Variants in ZNF227 observed in about 807,000 individuals in gnomAD.
ZNF227 encodes zinc finger protein 227.
A neutral mutation model predicts 13.2 loss-of-function variants in ZNF227; 12 were observed. The observed-to-expected ratio is 0.91, with a 90% CI of 0.58 to 1.47. ZNF227 has a LOEUF of 1.47. Among genes scored for constraint, ZNF227 ranks in the 40% most tolerant of loss-of-function variants. The probability of loss-of-function intolerance (pLI) is 0.00; values close to 1 mark genes in which losing one functional copy is unlikely to be tolerated. For missense variants in ZNF227, 885 were observed against 967.5 expected, an observed-to-expected ratio of 0.91 and a Z score of 1.13; for synonymous variants, 338 against 326.0, an observed-to-expected ratio of 1.04 and a Z score of -0.40.
chr19:44,234,991 G>C lies in ZNF227; in HGVS notation c.561G>C (p.Gln187His). The stretch of plus-strand genomic sequence containing the variant: ...GGAATACATATCTGAGTGAGTCACA[G>C]ATTCAGAGTAGAGGTAAGCAAATTG... ...SCGNTYLSESQIQSRGKQIDV... is the reference protein window; with the variant it reads ...SCGNTYLSESHIQSRGKQIDV... The change falls in exon 6 of 6, where the codon CAG (glutamine) becomes CAC (histidine). Residue 187 changes from glutamine (Q) to histidine (H), a missense_variant. Gln to His is a conservative substitution (Grantham distance 24). Transcript: ENST00000313040. 6.2e-7 allele frequency: 1 copy of C among 1,614,144 alleles called. No individual in the cohort carries two copies. Among genetic ancestry groups the C allele is most frequent in the Non-Finnish European group, 8.5e-7 (1 of 1,180,022 alleles).
chr19:44,233,661 C>T (rs1157763432), intron 5 of ZNF227, among the ~76,000 whole-genome samples: 2 of 151,986 alleles, frequency 1.3e-5, no homozygotes, highest in African/African-American at 4.8e-5. Flanking sequence ...TCTGGGAGGC[C>T]GAGGTGGGCA....
In ZNF227 at chr19:44,233,873, C is replaced by T. The variant is rs143380739; in HGVS notation, c.272-829C>T. On this transcript the variant is annotated intron_variant, in intron 5 of 5. Transcript: ENST00000313040. ...TCACACCACTGCACTCCAGCCTGGG[C>T]GACAGAGCGAGACGCTGTTTTTTAA... 2.4e-3 allele frequency among the ~76,000 whole-genome samples: 366 copies of T among 151,916 alleles called. 3 individuals are homozygous for T. Among genetic ancestry groups the T allele is most frequent in the Middle Eastern group, 0.01 (3 of 294 alleles).
chr19:44,226,962 GT>G (rs1973234096), intron 3 of ZNF227, among the ~76,000 whole-genome samples: 1 of 152,300 alleles, frequency 6.6e-6, no homozygotes, highest in South Asian at 2.1e-4. Context: ...TGACTTTGCA[GT>G]TGCTACTTCT....
intron 2 of ZNF227, 41 bp downstream of exon 2, chr19:44,213,285 C>T (rs1452233656): frequency 2.0e-5 from 3 of 152,136 alleles, no homozygotes; most frequent in African/African-American, 7.2e-5. Flanking sequence ...CATTTTCTGT[C>T]CTTTCAGTTA....
intron 3 of ZNF227, among the ~76,000 whole-genome samples, chr19:44,227,732 T>G (rs1197544965): frequency 6.6e-6 from 1 of 152,180 alleles, no homozygotes; most frequent in Non-Finnish European, 1.5e-5. Context: ...TAGTGAGAGA[T>G]TAAGGAATTT....
rs769068189 is a variant in ZNF227 at position 44,236,297 on chromosome 19, CAG to C, written c.1872_1873del (p.Arg624SerfsTer15). 8 of 1,613,780 alleles carry C rather than the reference CAG, an allele frequency of 5.0e-6. No individual in the cohort carries two copies. Among genetic ancestry groups the C allele is most frequent in the African/African-American group, 1.3e-5 (1 of 74,964 alleles). ...FSQAIDFRVHQRVHTGEKPYK... is the reference protein window; with the variant it reads ...FSQAIDFRVHXRVHTGEKPYK... Reference sequence around the variant, plus strand: ...TCAGGCCATAGATTTTCGGGTACATCAGAGAGTCCATACTGGAGAGAAGCCAT... The same window carrying C: ...TCAGGCCATAGATTTTCGGGTACATCAGAGTCCATACTGGAGAGAAGCCAT... On this transcript the variant is annotated frameshift_variant, in exon 6 of 6. Transcript: ENST00000313040. LOFTEE classifies it low-confidence loss of function (END_TRUNC).
chr19:44,211,790 AAACTT>A (rs1393768994), upstream of ZNF227, among the ~76,000 whole-genome samples: 1 of 148,252 alleles, frequency 6.7e-6, no homozygotes, highest in African/African-American at 2.5e-5. Flanking sequence ...TTAAATGTAA[AAACTT>A]AAAGGGTTTC....
rs773443429 is a variant in ZNF227, at chr19:44,236,555, G to T, written c.2125G>T (p.Val709Phe). The T allele has an allele frequency of 1.9e-6, 3 of 1,614,026 alleles. No homozygotes were observed. Among genetic ancestry groups the T allele is most frequent in the Non-Finnish European group, 2.5e-6 (3 of 1,180,004 alleles). ...RSLNLRHHQR[V>F]HTGEKPHICE... ...CTTGAATCTTCGCCATCATCAGAGG[G>T]TCCACACGGGAGAGAAACCCCATAT... Residue 709 changes from valine (V) to phenylalanine (F), a missense_variant, in exon 6 of 6, where the codon GTC becomes TTC. Val to Phe is a conservative substitution (Grantham distance 50). Transcript: ENST00000313040.
intron 3 of ZNF227, among the ~76,000 whole-genome samples, chr19:44,220,371 G>A (rs1174171252): frequency 5.3e-5 from 8 of 152,108 alleles, no homozygotes; most frequent in Admixed American, 3.3e-4. Context: ...TTCCACAATG[G>A]TTGAACTAGT....
At chr19:44,228,352 A>G in intron 3 of ZNF227, 94 bp from the exon 4 acceptor site, 1 of 1,455,748 alleles carries the variant, frequency 6.9e-7, no homozygotes, top group Non-Finnish European at 9.2e-7. Context: ...AATCTATAAC[A>G]ACTTTTTTGT....
intron 3 of ZNF227, among the ~76,000 whole-genome samples, chr19:44,224,153 T>G (rs1359766743): frequency 6.6e-6 from 1 of 152,220 alleles, no homozygotes; most frequent in African/African-American, 2.4e-5. Flanking sequence ...ATAATTTCTG[T>G]TCTTTTACAT....
chr19:44,224,642 A>AT (rs1164893968), intron 3 of ZNF227, among the ~76,000 whole-genome samples: 1 of 151,642 alleles, frequency 6.6e-6, no homozygotes, highest in East Asian at 1.9e-4. Context: ...CCATCCTTTT[A>AT]TTTTGAGCCT....
chr19:44,226,149 C>T (rs945693503), intron 3 of ZNF227, among the ~76,000 whole-genome samples: 1 of 152,194 alleles, frequency 6.6e-6, no homozygotes, highest in African/African-American at 2.4e-5. Context: ...GAAGTTTTGT[C>T]TCAGAGGAGT....
intron 5 of ZNF227, 37 bp downstream of exon 5, chr19:44,229,853 C>T (rs1417182080): frequency 1.4e-6 from 2 of 1,452,658 alleles, no homozygotes; most frequent in Non-Finnish European, 1.9e-6. Flanking sequence ...TCTGTTCTTT[C>T]AGGTACTGGT....
In ZNF227 at chr19:44,226,426, C is replaced by T. The variant is rs945001719; in HGVS notation, c.61-2020C>T. On this transcript the variant is annotated intron_variant, in intron 3 of 5. Coordinates refer to ENST00000313040, the MANE Select transcript of ZNF227 (RefSeq NM_182490.3). ...CCTCCTTGAGCTGTGGTGGGCTCCA[C>T]CCAGTTCGAGCTTCCAGGCTGCTTT... Among the ~76,000 whole-genome samples, 6 of 152,352 alleles carry T rather than the reference C, an allele frequency of 3.9e-5. No individual in the cohort carries two copies. In the East Asian group the frequency reaches 9.7e-4, roughly 25 times the overall value.
Position 44,235,461 on chromosome 19 carries a change from G to A in ZNF227, c.1031G>A (p.Arg344Lys). The change falls in exon 6 of 6, where the codon AGA (arginine) becomes AAA (lysine). Residue 344 changes from arginine to lysine, a missense_variant. Arg to Lys is a conservative substitution (Grantham distance 26). Transcript: ENST00000313040. ...AGCACGGGTCTTATCATTCATTACAGAACTCATACTGGAGAGAAACCCTAT... is the reference window on the plus strand; with the variant it reads ...AGCACGGGTCTTATCATTCATTACAAAACTCATACTGGAGAGAAACCCTAT... ...SSSTGLIIHY[R>K]THTGEKPYKC... is the part of the protein sequence containing the mutation. 6.2e-7 allele frequency: 1 copy of A among 1,614,112 alleles called. No individual in the cohort carries two copies. The highest frequency in any genetic ancestry group is 2.2e-5 in the East Asian group (1 of 44,892).
intron 2 of ZNF227, among the ~76,000 whole-genome samples, chr19:44,215,620 C>A (rs938272168): frequency 2.0e-5 from 3 of 151,804 alleles, no homozygotes; most frequent in Non-Finnish European, 4.4e-5. Flanking sequence ...TAAAAATATT[C>A]TCTTTCTTAG....
In ZNF227 at chr19:44,229,719, C is replaced by A; in HGVS notation, c.188-14C>A. The A allele has an allele frequency of 1.3e-6, 2 of 1,547,504 alleles. No homozygotes were observed. The highest frequency in any genetic ancestry group is 1.8e-6 in the Non-Finnish European group (2 of 1,139,054). ...GTGTTCATCTTAAATACATAAAAAT[C>A]TACATTTTCATAGGGCATCTTCCCT... On this transcript the variant is annotated splice_polypyrimidine_tract_variant and intron_variant, in intron 4 of 5. Transcript: ENST00000313040.
chr19:44,227,346 A>C (rs1297101362), intron 3 of ZNF227: 2 of 152,082 alleles, frequency 1.3e-5, no homozygotes, highest in Non-Finnish European at 2.9e-5. Context: ...CCCAGGTTCA[A>C]GTGATTCTCC....
Sources: allele counts gnomAD v4.1 joint callset (sites outside exome capture counted in the v4.1 genomes callset), GRCh38; gene constraint gnomAD v4.1.1; transcripts MANE v1.5; gene names NCBI Gene and HGNC (gene_info 2026-07-23, HGNC 2026-07-21).